The following DNAJB14 variants were observed in gnomAD, a reference collection of about 807,000 sequenced individuals.
The protein encoded by DNAJB14 is dnaJ homolog subfamily B member 14.
A neutral mutation model predicts 48.4 loss-of-function variants in DNAJB14; 22 were observed. The ratio of observed to expected loss-of-function variants is 0.45; its 90% CI spans 0.32 to 0.65. The LOEUF (loss-of-function observed/expected upper bound fraction) is 0.65. Ranked by LOEUF, DNAJB14 falls within the 30% of genes least tolerant of loss-of-function variation. The pLI, the probability that DNAJB14 is intolerant of heterozygous loss-of-function variation, is 0.03. For missense variants in DNAJB14, 319 were observed against 458.8 expected (o/e 0.70, Z 2.78); for synonymous variants, 142 against 158.7 (o/e 0.89, Z 0.79).
chr4:99,903,895 T>C lies in DNAJB14; in HGVS notation c.846A>G (p.Gly282=), dbSNP rs1276071650. The C allele has an allele frequency of 1.9e-6, 3 of 1,611,360 alleles. No individual in the cohort carries two copies. The South Asian group carries it at 3.3e-5, about 18-fold the overall frequency. ...NPPYSLYPRS[G]TGQTIKMQTE... ...TTTGCATTTTAATAGTTTGCCCAGTTCCACTGTAAAAGAGATGCATCATTA... is the reference window on the plus strand; with the variant it reads ...TTTGCATTTTAATAGTTTGCCCAGTCCCACTGTAAAAGAGATGCATCATTA... Residue 282 remains glycine, a synonymous_variant, in exon 7 of 8, where the codon GGA becomes GGG. Transcript: ENST00000442697.
In DNAJB14 at chr4:99,910,968, A is replaced by G. The variant is rs113563421; in HGVS notation, c.452-2072T>C. ...GGATATTGACACTGATATAGTCAGG[A>G]TATAGAACATTTCTAACACCACTCT... On this transcript the variant is annotated intron_variant, in intron 3 of 7. Coordinates refer to ENST00000442697, the MANE Select transcript of DNAJB14 (RefSeq NM_001031723.4). Among the ~76,000 whole-genome samples, 489 of 152,176 alleles carry G rather than the reference A, an allele frequency of 3.2e-3. 6 individuals are homozygous for G. Among genetic ancestry groups the G allele is most frequent in the African/African-American group, 0.011 (472 of 41,552 alleles).
At chr4:99,908,555 C>T (rs1391282903) in intron 4 of DNAJB14, among the ~76,000 whole-genome samples, 156 bp downstream of exon 4, 1 of 151,944 alleles carries the variant, frequency 6.6e-6, no homozygotes, top group Non-Finnish European at 1.5e-5. Flanking sequence ...AGTAATAACC[C>T]TAATATTTTT....
At chr4:99,924,835 C>G (rs1283938213) in intron 2 of DNAJB14, 5 of 1,517,672 alleles carry the variant, frequency 3.3e-6, no homozygotes, top group Non-Finnish European at 4.6e-6. Flanking sequence ...CAAAGTTATT[C>G]TATAACTAAT....
At chr4:99,944,978 A>T (rs1271416276) in intron 1 of DNAJB14, among the ~76,000 whole-genome samples, 8 of 152,214 alleles carry the variant, frequency 5.3e-5, no homozygotes, top group Non-Finnish European at 2.9e-5. Context: ...AAGATACTGC[A>T]TGAATCTACC....
At chr4:99,941,106 C>T (rs755360628) in intron 1 of DNAJB14, among the ~76,000 whole-genome samples, 34 of 151,936 alleles carry the variant, frequency 2.2e-4, no homozygotes, top group Non-Finnish European at 2.5e-4. Context: ...AGCTATCATT[C>T]CAGAAAATCC....
intron 2 of DNAJB14, chr4:99,924,022 T>TC: frequency 3.2e-6 from 1 of 316,356 alleles, no homozygotes; most frequent in Non-Finnish European, 4.6e-6. Context: ...GCCTGAAATC[T>TC]TTAAAGTATA....
intron 3 of DNAJB14, among the ~76,000 whole-genome samples, chr4:99,914,134 G>A (rs557039662): frequency 6.6e-6 from 1 of 152,222 alleles, no homozygotes; most frequent in South Asian, 2.1e-4. Context: ...TGTGAGAACA[G>A]CAGCAAGACA....
chr4:99,906,498 T>C lies in DNAJB14; in HGVS notation c.732+19A>G. 1.2e-6 allele frequency: 2 copies of C among 1,607,260 alleles called. No individual in the cohort carries two copies. Among genetic ancestry groups the C allele is most frequent in the Non-Finnish European group, 8.5e-7 (1 of 1,177,302 alleles). On this transcript the variant is annotated intron_variant, in intron 5 of 7. Transcript: ENST00000442697. ...TGAGCTGAAATTTGCCATTTTGTGA[T>C]TTCTAGTCATAAACGTACATCTCCT... is the stretch of plus-strand genomic sequence containing the variant.
intron 1 of DNAJB14, 149 bp downstream of exon 1, chr4:99,946,290 G>A (rs1364060478): frequency 4.0e-6 from 5 of 1,256,262 alleles, no homozygotes; most frequent in East Asian, 2.6e-5. Context: ...GGGGTGTGTC[G>A]GGATGCTCCC....
Position 99,896,622 on chromosome 4 carries a change from A to G in DNAJB14, c.*4406T>C, listed in dbSNP as rs1725153379. The G allele has an allele frequency of 6.6e-6, 1 of 152,204 alleles. No homozygotes were observed. The highest frequency in any genetic ancestry group is 6.5e-5 in the Admixed American group (1 of 15,282). The allele number at this position is 152,204 out of a possible 1,614,324, so 9.4% of individuals were successfully genotyped here. Reference sequence around the variant, plus strand: ...CAAAAACTAAAACTAGAAATTGGCAAGAAGCATTTCTTAATACAGATAAAC... The same window carrying G: ...CAAAAACTAAAACTAGAAATTGGCAGGAAGCATTTCTTAATACAGATAAAC... On this transcript the variant is annotated 3_prime_UTR_variant, in exon 8 of 8. Transcript: ENST00000442697.
intron 1 of DNAJB14, among the ~76,000 whole-genome samples, chr4:99,938,044 G>A (rs996810979): frequency 1.7e-4 from 24 of 141,870 alleles, no homozygotes; most frequent in African/African-American, 6.1e-4. Flanking sequence ...GATCACTTGA[G>A]GTCAGGAGTT....
chr4:99,923,742 G>A, intron 2 of DNAJB14: 1 of 962,262 alleles, frequency 1.0e-6, no homozygotes, highest in Middle Eastern at 5.4e-4. Flanking sequence ...TGTTATGTTG[G>A]GGCTGAGGCT....
intron 1 of DNAJB14, among the ~76,000 whole-genome samples, chr4:99,939,578 T>C (rs1053037822): frequency 6.6e-6 from 1 of 152,218 alleles, no homozygotes; most frequent in Admixed American, 6.5e-5. Context: ...TTTTGGCAGT[T>C]ACTATGATAA....
At chr4:99,933,901 A>C (rs1044002366) in intron 1 of DNAJB14, among the ~76,000 whole-genome samples, 2 of 152,196 alleles carry the variant, frequency 1.3e-5, no homozygotes, top group Non-Finnish European at 2.9e-5. Context: ...AAAAAAAATT[A>C]AAAATAAAAA....
intron 6 of DNAJB14, 100 bp from the exon 7 acceptor site, chr4:99,903,998 A>C (rs559033799): frequency 3.3e-6 from 4 of 1,218,722 alleles, no homozygotes; most frequent in Admixed American, 5.3e-5. Context: ...TTGAAAAGTT[A>C]ATATTGGTAA....
intron 2 of DNAJB14, chr4:99,924,797 T>C (rs1461486667): frequency 6.3e-7 from 1 of 1,593,350 alleles, no homozygotes; most frequent in East Asian, 2.2e-5. Flanking sequence ...CATATCAATG[T>C]TCCAATATCC....
chr4:99,937,054 C>T (rs764082986), intron 1 of DNAJB14, among the ~76,000 whole-genome samples: 4 of 152,186 alleles, frequency 2.6e-5, no homozygotes, highest in East Asian at 1.9e-4. Context: ...CAGTGGCTCA[C>T]GCCTGTAATC....
intron 1 of DNAJB14, 71 bp downstream of exon 1, chr4:99,946,368 G>A: frequency 6.5e-7 from 1 of 1,548,544 alleles, no homozygotes. Context: ...GAGGGGCCGA[G>A]GTGGGGGCAG....
At chr4:99,915,115 T>C (rs913419922) in intron 3 of DNAJB14, among the ~76,000 whole-genome samples, 3 of 152,244 alleles carry the variant, frequency 2.0e-5, no homozygotes, top group Non-Finnish European at 4.4e-5. Flanking sequence ...GTTCTTCTTT[T>C]CTAACATATG....
Sources: allele counts gnomAD v4.1 joint callset (sites outside exome capture counted in the v4.1 genomes callset), GRCh38; gene constraint gnomAD v4.1.1; transcripts MANE v1.5; gene names NCBI Gene and HGNC (gene_info 2026-07-23, HGNC 2026-07-21).